ADAMTSL3: variants seen among roughly 807,000 people sequenced by gnomAD.
ADAMTSL3 encodes ADAMTS-like protein 3.
ADAMTSL3 carries 128 observed loss-of-function variants against 201.7 expected under a neutral mutation model. That is an observed-to-expected ratio of 0.63 (90% CI 0.55 to 0.73). The LOEUF (loss-of-function observed/expected upper bound fraction) is 0.73. Among genes scored for constraint, ADAMTSL3 ranks in the 30% least tolerant of loss-of-function variants. ADAMTSL3 has a pLI of 0.00. For missense variants in ADAMTSL3, 1,990 were observed against 2,119.6 expected (o/e 0.94, Z 1.20); for synonymous variants, 738 against 748.4 (o/e 0.99, Z 0.23).
chr15:83,739,154 T>A (rs531897822), intron 3 of ADAMTSL3, among the ~76,000 whole-genome samples: 105 of 151,906 alleles, frequency 6.9e-4, no homozygotes, highest in Non-Finnish European at 1.2e-3. Flanking sequence ...TTAAAAACAA[T>A]AGCTAAATGC....
intron 2 of ADAMTSL3, among the ~76,000 whole-genome samples, chr15:83,689,727 TTTA>T (rs1320513609): frequency 6.6e-6 from 1 of 152,224 alleles, no homozygotes; most frequent in Admixed American, 6.5e-5. Context: ...ATTTTTTTCT[TTTA>T]TTATTCTTAT....
intron 9 of ADAMTSL3, among the ~76,000 whole-genome samples, chr15:83,874,944 G>T (rs922126798): frequency 6.9e-6 from 1 of 145,440 alleles, no homozygotes; most frequent in Admixed American, 6.7e-5. Context: ...CCTTCTCAGC[G>T]AGGAAACCTC....
intron 27 of ADAMTSL3, among the ~76,000 whole-genome samples, chr15:84,026,624 G>C (rs564395616): frequency 1.3e-5 from 2 of 152,254 alleles, no homozygotes; most frequent in South Asian, 2.1e-4. Context: ...ATTGAATTGA[G>C]TCCAGAGATA....
At position 83,878,398 on chromosome 15, in the gene ADAMTSL3, G is replaced by A. The variant is rs370211320; in HGVS notation, c.961-6703G>A. On this transcript the variant is annotated intron_variant, in intron 9 of 29. Coordinates refer to ENST00000286744, the MANE Select transcript of ADAMTSL3 (RefSeq NM_207517.3). The stretch of plus-strand genomic sequence containing the variant: ...TTGGAGGCCAAGGCAGGCGGATCAC[G>A]AGGTCAGGAGATTGAGACCAGCCTG... Among the ~76,000 whole-genome samples, 77 of 152,170 alleles carry A rather than the reference G, an allele frequency of 5.1e-4. 1 individual carries two copies. The East Asian group carries it at 7.7e-3, about 15-fold the overall frequency.
At chr15:84,032,950 C>T (rs1362198493) in intron 28 of ADAMTSL3, among the ~76,000 whole-genome samples, 2 of 152,040 alleles carry the variant, frequency 1.3e-5, no homozygotes, top group African/African-American at 4.8e-5. Context: ...GAGAGTTGCC[C>T]CCTTTTCATC....
chr15:83,934,548 G>A (rs1180086803), intron 17 of ADAMTSL3, among the ~76,000 whole-genome samples: 4 of 152,178 alleles, frequency 2.6e-5, no homozygotes, highest in Non-Finnish European at 5.9e-5. Flanking sequence ...GGGACTGTGG[G>A]AAGGCATGAT....
chr15:83,794,005 C>T (rs145516624), intron 4 of ADAMTSL3, among the ~76,000 whole-genome samples: 4 of 151,984 alleles, frequency 2.6e-5, no homozygotes, highest in African/African-American at 4.8e-5. Context: ...ACAAAGGACA[C>T]GAATGGATAT....
chr15:83,820,345 T>C (rs2063842195), intron 6 of ADAMTSL3, among the ~76,000 whole-genome samples: 1 of 152,180 alleles, frequency 6.6e-6, no homozygotes, highest in Admixed American at 6.5e-5. Flanking sequence ...CTCAAAGTGC[T>C]GGGATTACAG....
At chr15:83,973,118 C>T (rs969286138) in intron 20 of ADAMTSL3, among the ~76,000 whole-genome samples, 37 of 152,152 alleles carry the variant, frequency 2.4e-4, no homozygotes, top group Admixed American at 1.3e-4. Flanking sequence ...TGATGATGAC[C>T]TTTCTAACAC....
At chr15:83,747,086 G>A (rs2062559002) in intron 3 of ADAMTSL3, among the ~76,000 whole-genome samples, 1 of 152,152 alleles carries the variant, frequency 6.6e-6, no homozygotes, top group African/African-American at 2.4e-5. Flanking sequence ...TAGAAGTGAT[G>A]GGTTAGATGG....
intron 2 of ADAMTSL3, among the ~76,000 whole-genome samples, chr15:83,669,245 A>G (rs1456844079): frequency 2.6e-5 from 4 of 152,088 alleles, no homozygotes; most frequent in Non-Finnish European, 4.4e-5. Flanking sequence ...TCCTGGGTTC[A>G]AGCGATTCTC....
At chr15:83,769,282 C>G (rs542391301) in intron 3 of ADAMTSL3, among the ~76,000 whole-genome samples, 13 of 152,004 alleles carry the variant, frequency 8.6e-5, no homozygotes, top group Admixed American at 4.6e-4. Context: ...TTTGGTATAT[C>G]GAGTGACAAA....
At chr15:83,910,173 C>G (rs1209895591) in intron 15 of ADAMTSL3, among the ~76,000 whole-genome samples, 1 of 152,038 alleles carries the variant, frequency 6.6e-6, no homozygotes, top group African/African-American at 2.4e-5. Flanking sequence ...CCCTTTTACT[C>G]TGTTGTTTTA....
Position 83,819,936 on chromosome 15 carries a change from CAAGTGTCATGCACAAGGACAAAACTTG to C in ADAMTSL3, c.490_516del (p.Lys164_Leu172del). On this transcript the variant is annotated inframe_deletion, in exon 6 of 30. Coordinates refer to ENST00000286744, the MANE Select transcript of ADAMTSL3 (RefSeq NM_207517.3). ...ATGATCCTGCTGCCCCGTGTGCACT[CAAGTGTCATGCACAAGGACAAAACTTG>C]GTGGTGGAGCTGGCACCTAAGGTAC... The C allele has an allele frequency of 6.2e-7, 1 of 1,614,080 alleles. No individual in the cohort carries two copies. The highest frequency in any genetic ancestry group is 1.7e-5 in the Admixed American group (1 of 60,014).
intron 3 of ADAMTSL3, among the ~76,000 whole-genome samples, chr15:83,705,294 C>T (rs1296022959): frequency 6.6e-6 from 1 of 151,972 alleles, no homozygotes; most frequent in African/African-American, 2.4e-5. Context: ...CCTGTAGGGC[C>T]CAAGTGAAGG....
At chr15:83,777,210 G>A (rs950719978) in intron 4 of ADAMTSL3, among the ~76,000 whole-genome samples, 3 of 152,190 alleles carry the variant, frequency 2.0e-5, no homozygotes, top group Non-Finnish European at 4.4e-5. Flanking sequence ...CACTGCCTCT[G>A]CCATTGTGGT....
intron 23 of ADAMTSL3, among the ~76,000 whole-genome samples, chr15:84,011,013 A>T (rs929259563): frequency 3.3e-5 from 5 of 152,162 alleles, no homozygotes; most frequent in African/African-American, 1.2e-4. Flanking sequence ...GTTTTGATGC[A>T]TGGGCCCACT....
At chr15:83,870,136 A>T (rs894488624) in intron 8 of ADAMTSL3, among the ~76,000 whole-genome samples, 9 of 152,240 alleles carry the variant, frequency 5.9e-5, no homozygotes, top group African/African-American at 2.2e-4. Flanking sequence ...GCAAATTCAC[A>T]TAAAGGGGTT....
rs2063948515 is a variant in ADAMTSL3 at position 83,823,946 on chromosome 15, CTTCTTCTTCTTCTT to C, written c.600+3900_600+3913del. ...TCTTCTTCTTCTTCTTCTTCTTCTTCTTCTTCTTCTTCTTCTTCTTCTTCTTCTCCTCCTCCTCC... is the reference window on the plus strand; with the variant it reads ...TCTTCTTCTTCTTCTTCTTCTTCTTCCTTCTTCTTCTTCTCCTCCTCCTCC... On this transcript the variant is annotated intron_variant, in intron 6 of 29. Coordinates refer to ENST00000286744, the MANE Select transcript of ADAMTSL3 (RefSeq NM_207517.3). Among the ~76,000 whole-genome samples, 8 of 99,580 alleles carry C rather than the reference CTTCTTCTTCTTCTT, an allele frequency of 8.0e-5. 1 individual carries two copies. Among genetic ancestry groups the C allele is most frequent in the African/African-American group, 2.7e-4 (8 of 29,978 alleles). The allele number at this position is 99,580 out of a possible 152,430, so 65.3% of individuals were successfully genotyped here. A position where few individuals can be genotyped will look rare whatever the true frequency, so the allele number is the denominator to read the frequency against.
Sources: gnomAD v4.1 joint callset for allele counts (sites outside exome capture counted in the v4.1 genomes callset) on GRCh38, gnomAD v4.1.1 for gene constraint, MANE v1.5 for transcripts, NCBI Gene and HGNC (gene_info 2026-07-23, HGNC 2026-07-21) for gene names.